ZC4H2: variants seen among roughly 807,000 people sequenced by gnomAD.
The protein encoded by ZC4H2 is zinc finger C4H2 domain-containing protein.
For synonymous variants in ZC4H2, 84 were observed against 66.3 expected, an observed-to-expected ratio of 1.27 and a Z score of -1.30; for missense variants, 137 against 173.9, an observed-to-expected ratio of 0.79 and a Z score of 1.19.
At chrX:65,026,574 T>C (rs989693696) in intron 1 of ZC4H2, among the ~76,000 whole-genome samples, 3 of 110,314 alleles carry the variant, frequency 2.7e-5, no homozygotes, top group Non-Finnish European at 5.7e-5. Context: ...CCAGGCGTGG[T>C]GGTGGACGCC....
At chrX:64,978,083 T>G (rs1932002346), upstream of ZC4H2, among the ~76,000 whole-genome samples, 1 of 111,286 alleles carries the variant, frequency 9.0e-6, no homozygotes, top group African/African-American at 3.3e-5. Flanking sequence ...TTATTGAGCT[T>G]CAGTTTCCTC....
At chrX:65,001,574 A>G (rs764286166) in intron 1 of ZC4H2, among the ~76,000 whole-genome samples, 18 of 112,277 alleles carry the variant, frequency 1.6e-4, no homozygotes, top group Non-Finnish European at 2.1e-4. Context: ...TAATGACAGG[A>G]TCAAATTCAC....
intron 1 of ZC4H2, among the ~76,000 whole-genome samples, chrX:65,019,295 C>A (rs1047839552): frequency 2.7e-5 from 3 of 111,825 alleles, no homozygotes; most frequent in Non-Finnish European, 5.6e-5. Context: ...CTCTGGCTGG[C>A]GTCTGTCAGG....
intron 1 of ZC4H2, among the ~76,000 whole-genome samples, chrX:64,923,462 C>G (rs768628824): frequency 1.8e-5 from 2 of 109,695 alleles, no homozygotes; most frequent in East Asian, 2.9e-4. Flanking sequence ...TTCCCCTCTG[C>G]CCCAGTCTAT....
rs780161962 is a variant in ZC4H2 at position 64,969,604 on chromosome X, C to A, written c.53+6721G>T. Among the ~76,000 whole-genome samples, 252 of 112,000 alleles carry A rather than the reference C, an allele frequency of 2.2e-3. 1 individual carries two copies. The highest frequency in any genetic ancestry group is 7.8e-3 in the African/African-American group (241 of 30,812). On this transcript the variant is annotated intron_variant, in intron 1 of 4. Coordinates refer to ENST00000374839, the MANE Select transcript of ZC4H2 (RefSeq NM_018684.4). ...TTGTTCTCCACATGTAGTCCCTGCA[C>A]CACCAGCAGCAGCATTGCCTGGGAA... is the stretch of plus-strand genomic sequence containing the variant.
At chrX:65,021,383 A>G (rs1289584763) in intron 1 of ZC4H2, among the ~76,000 whole-genome samples, 1 of 111,137 alleles carries the variant, frequency 9.0e-6, no homozygotes, top group Non-Finnish European at 1.9e-5. Context: ...AAAACCTCAC[A>G]ACTATATGGA....
intron 1 of ZC4H2, among the ~76,000 whole-genome samples, chrX:64,987,812 C>T (rs1266420661): frequency 5.0e-4 from 53 of 106,543 alleles, no homozygotes; most frequent in Non-Finnish European, 9.7e-4. Context: ...TATACATGTG[C>T]CATGTTGGTA....
At chrX:64,991,474 G>A (rs753635538) in intron 1 of ZC4H2, among the ~76,000 whole-genome samples, 4 of 111,756 alleles carry the variant, frequency 3.6e-5, no homozygotes, top group Admixed American at 9.5e-5. Context: ...TACTTGGGAG[G>A]CTGAGGCAGG....
At chrX:64,986,988 C>T (rs894989066) in intron 1 of ZC4H2, among the ~76,000 whole-genome samples, 21 of 96,583 alleles carry the variant, frequency 2.2e-4, no homozygotes, top group Non-Finnish European at 3.6e-4. Context: ...AGTGCAGTGG[C>T]GCGATCTAGG....
chrX:64,948,882 C>T (rs1240732452), intron 1 of ZC4H2, among the ~76,000 whole-genome samples: 2 of 111,589 alleles, frequency 1.8e-5, no homozygotes, highest in Non-Finnish European at 3.8e-5. Context: ...TAAAGGTAAA[C>T]GTTTCACCAA....
At chrX:65,012,224 C>CAAAAAAA (rs10606871) in intron 1 of ZC4H2, among the ~76,000 whole-genome samples, 38 of 25,260 alleles carry the variant, frequency 1.5e-3, no homozygotes, top group African/African-American at 3.4e-3. Flanking sequence ...GACCCCGTCT[C>CAAAAAAA]AAAAAAAAAA....
At chrX:64,919,976 G>T (rs917435877) in intron 3 of ZC4H2, 105 bp downstream of exon 3, 3 of 886,284 alleles carry the variant, frequency 3.4e-6, no homozygotes, top group Admixed American at 7.7e-5. Flanking sequence ...TGACTTTCAG[G>T]CTAGGCTTTG....
intron 1 of ZC4H2, among the ~76,000 whole-genome samples, chrX:65,014,306 CTT>C (rs1932783159): frequency 9.0e-6 from 1 of 111,642 alleles, no homozygotes; most frequent in South Asian, 3.7e-4. Context: ...CCTCTGCACA[CTT>C]ATAATTCACA....
intron 1 of ZC4H2, among the ~76,000 whole-genome samples, chrX:64,943,892 T>C (rs1930407399): frequency 9.0e-6 from 1 of 111,252 alleles, no homozygotes; most frequent in Non-Finnish European, 1.9e-5. Flanking sequence ...AGCTGGTTTG[T>C]TGCACAATAG....
intron 1 of ZC4H2, chrX:64,965,352 T>C (rs987299463): frequency 1.9e-4 from 44 of 230,918 alleles, no homozygotes; most frequent in African/African-American, 1.3e-3. Flanking sequence ...ATGAAGCAGA[T>C]AGGTCAGAAA....
At position 64,938,867 on chromosome X, in the gene ZC4H2, A is replaced by G. The variant is rs778960577; in HGVS notation, c.54-16879T>C. On this transcript the variant is annotated intron_variant, in intron 1 of 4. Coordinates refer to ENST00000374839, the MANE Select transcript of ZC4H2 (RefSeq NM_018684.4). ...GCAACAGCTGGAAGCATTTGCTTTG[A>G]AAACTGGCACAAGACATGGATGCCC... is the stretch of plus-strand genomic sequence containing the variant. Among the ~76,000 whole-genome samples the G allele has an allele frequency of 2.4e-3, 274 of 112,324 alleles. 1 individual carries two copies. The highest frequency in any genetic ancestry group is 8.6e-3 in the African/African-American group (265 of 30,901).
intron 1 of ZC4H2, among the ~76,000 whole-genome samples, chrX:64,943,279 T>C (rs938700557): frequency 2.7e-5 from 3 of 112,342 alleles, no homozygotes; most frequent in Non-Finnish European, 5.6e-5. Flanking sequence ...AAAAGTGCTA[T>C]GTGGTGCTGA....
chrX:64,974,125 A>G (rs1001208525), intron 1 of ZC4H2, among the ~76,000 whole-genome samples: 9 of 112,008 alleles, frequency 8.0e-5, no homozygotes, highest in Non-Finnish European at 1.7e-4. Context: ...ATAGTGCCAC[A>G]GTGATTTCTA....
At chrX:64,952,928 A>G (rs990189396) in intron 1 of ZC4H2, among the ~76,000 whole-genome samples, 7 of 111,785 alleles carry the variant, frequency 6.3e-5, no homozygotes, top group African/African-American at 1.3e-4. Context: ...ACTATACTAC[A>G]AGGCTACAGT....
Sources: allele counts gnomAD v4.1 joint callset (sites outside exome capture counted in the v4.1 genomes callset), GRCh38; gene constraint gnomAD v4.1.1; transcripts MANE v1.5; gene names NCBI Gene and HGNC (gene_info 2026-07-23, HGNC 2026-07-21).